IGF1R: variants seen among roughly 807,000 people sequenced by gnomAD.
The protein encoded by IGF1R is insulin-like growth factor 1 receptor.
IGF1R carries 44 observed loss-of-function variants against 144.6 expected under a neutral mutation model. That is an observed-to-expected ratio of 0.30 (90% CI 0.24 to 0.39). The LOEUF is 0.39. IGF1R is among the 10% of genes least tolerant of loss of function. The pLI is 1.00. For synonymous variants in IGF1R, 795 were observed against 722.8 expected (o/e 1.10, Z -1.60); for missense variants, 1,355 against 1,833.7 (o/e 0.74, Z 4.77).
Position 98,828,547 on chromosome 15 carries a change from CAG to C in IGF1R, c.641-62776_641-62775del, listed in dbSNP as rs559684046. Among the ~76,000 whole-genome samples, 416 of 152,240 alleles carry C rather than the reference CAG, an allele frequency of 2.7e-3. 1 individual carries two copies. The highest frequency in any genetic ancestry group is 9.7e-3 in the African/African-American group (403 of 41,544). On this transcript the variant is annotated intron_variant, in intron 2 of 20. Transcript: ENST00000650285. ...ACCGTGGAGAGAGAAAAGGCATAGT[CAG>C]AATGTTTTCAGAGGAGCGCAGACTT... is the stretch of plus-strand genomic sequence containing the variant.
At chr15:98,669,780 G>A (rs1405329587) in intron 1 of IGF1R, among the ~76,000 whole-genome samples, 1 of 152,170 alleles carries the variant, frequency 6.6e-6, no homozygotes, top group African/African-American at 2.4e-5. Context: ...TTCCCGTGCC[G>A]AACCTGGCCC....
Position 98,957,374 on chromosome 15 carries a change from T to C in IGF1R, c.4036T>C (p.Tyr1346His), listed in dbSNP as rs2017041525. The change falls in exon 21 of 21, where the codon TAC (tyrosine) becomes CAC (histidine). Residue 1346 changes from tyrosine (Y) to histidine (H), a missense_variant. By Grantham distance (83) the Tyr-to-His change is moderately conservative. Transcript: ENST00000650285. ...LRASFDERQP[Y>H]AHMNGGRKNE... ...CGCCAGCTTCGACGAGAGACAGCCT[T>C]ACGCCCACATGAACGGGGGCCGCAA... 1.9e-6 allele frequency: 3 copies of C among 1,613,392 alleles called. No individual in the cohort carries two copies. In the East Asian group the frequency reaches 6.7e-5, roughly 36 times the overall value.
chr15:98,670,917 A>G (rs1357835054), intron 1 of IGF1R, among the ~76,000 whole-genome samples: 1 of 152,160 alleles, frequency 6.6e-6, no homozygotes, highest in Admixed American at 6.5e-5. Context: ...AACTGGAAAT[A>G]TTTCACAAGC....
chr15:98,749,843 G>GA (rs1431211955), intron 2 of IGF1R, among the ~76,000 whole-genome samples: 2 of 149,838 alleles, frequency 1.3e-5, no homozygotes, highest in African/African-American at 2.4e-5. Context: ...GGTGCCACCT[G>GA]AAAAAATAAT....
chr15:98,658,005 A>T (rs1218567091), intron 1 of IGF1R, among the ~76,000 whole-genome samples: 1 of 152,110 alleles, frequency 6.6e-6, no homozygotes, highest in Non-Finnish European at 1.5e-5. Context: ...AGTCTGATGG[A>T]CTTGCCAGCT....
At chr15:98,921,782 G>T (rs909307329) in intron 10 of IGF1R, among the ~76,000 whole-genome samples, 1 of 152,108 alleles carries the variant, frequency 6.6e-6, no homozygotes, top group African/African-American at 2.4e-5. Flanking sequence ...CAGCTGATAG[G>T]TTTGCCACCT....
chr15:98,717,014 A>G (rs2054133520), intron 2 of IGF1R, among the ~76,000 whole-genome samples: 1 of 152,214 alleles, frequency 6.6e-6, no homozygotes, highest in Non-Finnish European at 1.5e-5. Context: ...GTGGCTCCAC[A>G]TGCGGATGTA....
chr15:98,913,005 CAG>C, intron 7 of IGF1R, 37 bp from the exon 8 acceptor site: 2 of 1,462,056 alleles, frequency 1.4e-6, no homozygotes, highest in South Asian at 1.1e-5. Flanking sequence ...GTTTTGATGT[CAG>C]AGCCCCGAAC....
At position 98,834,857 on chromosome 15, in the gene IGF1R, G is replaced by A. The variant is rs184050573; in HGVS notation, c.641-56468G>A. On this transcript the variant is annotated intron_variant, in intron 2 of 20. Transcript: ENST00000650285. ...AAAAACCAAACCTCTGCCTTCAGAG[G>A]TATATGCTATTACTTCTGCTTAAAC... 3.5e-3 allele frequency among the ~76,000 whole-genome samples: 527 copies of A among 152,250 alleles called. 2 individuals carry two copies. Among genetic ancestry groups the A allele is most frequent in the South Asian group, 8.7e-3 (42 of 4,822 alleles).
intron 1 of IGF1R, among the ~76,000 whole-genome samples, chr15:98,698,464 C>CT (rs1293868932): frequency 6.6e-6 from 1 of 152,242 alleles, no homozygotes; most frequent in Non-Finnish European, 1.5e-5. Context: ...CCATTCTCTC[C>CT]TACCACAGCC....
intron 2 of IGF1R, among the ~76,000 whole-genome samples, chr15:98,772,276 G>T (rs2055604703): frequency 6.6e-6 from 1 of 151,832 alleles, no homozygotes; most frequent in South Asian, 2.1e-4. Flanking sequence ...ATAATTTTTT[G>T]ATTAATAATT....
intron 2 of IGF1R, among the ~76,000 whole-genome samples, chr15:98,769,482 A>G (rs946225242): frequency 1.3e-5 from 2 of 152,190 alleles, no homozygotes; most frequent in African/African-American, 4.8e-5. Context: ...CAGTCCAACA[A>G]CAGTGCTACA....
intron 2 of IGF1R, among the ~76,000 whole-genome samples, chr15:98,750,286 GT>G (rs971284405): frequency 1.3e-5 from 2 of 152,140 alleles, no homozygotes; most frequent in African/African-American, 4.8e-5. Flanking sequence ...GCTTCTCCCT[GT>G]TTCCCTGTGC....
intron 2 of IGF1R, among the ~76,000 whole-genome samples, chr15:98,714,744 G>A (rs190917377): frequency 6.6e-6 from 1 of 152,308 alleles, no homozygotes; most frequent in East Asian, 1.9e-4. Flanking sequence ...CCTGCTGGAT[G>A]GGGGGAAGAG....
At chr15:98,798,289 C>T (rs184501104) in intron 2 of IGF1R, among the ~76,000 whole-genome samples, 112 of 151,746 alleles carry the variant, frequency 7.4e-4, no homozygotes, top group Non-Finnish European at 1.2e-3. Context: ...GACATTTGGA[C>T]GAAGACCTAA....
intron 1 of IGF1R, among the ~76,000 whole-genome samples, chr15:98,705,800 C>T (rs11858316): frequency 0.5 from 76,251 of 152,070 alleles, 20,324 homozygotes; most frequent in Non-Finnish European, 0.58. Context: ...GCTTCTCTCC[C>T]GCTCAGGAGC....
At chr15:98,774,716 G>A (rs2055671783) in intron 2 of IGF1R, among the ~76,000 whole-genome samples, 1 of 152,028 alleles carries the variant, frequency 6.6e-6, no homozygotes, top group African/African-American at 2.4e-5. Flanking sequence ...TTTGGGGAAG[G>A]GAGTGGAGTG....
intron 2 of IGF1R, among the ~76,000 whole-genome samples, chr15:98,819,504 G>T (rs1316448666): frequency 1.3e-5 from 2 of 152,132 alleles, no homozygotes; most frequent in East Asian, 3.9e-4. Flanking sequence ...GAACCAGAAA[G>T]TGGAGCCCTC....
intron 2 of IGF1R, among the ~76,000 whole-genome samples, chr15:98,835,156 C>A (rs1435654713): frequency 1.4e-5 from 2 of 147,756 alleles, no homozygotes; most frequent in East Asian, 1.9e-4. Flanking sequence ...CACACCCACC[C>A]CTACACCCAC....
Sources: allele counts gnomAD v4.1 joint callset (sites outside exome capture counted in the v4.1 genomes callset), GRCh38; gene constraint gnomAD v4.1.1; transcripts MANE v1.5; gene names NCBI Gene and HGNC (gene_info 2026-07-23, HGNC 2026-07-21).